BRWD3: variants seen among roughly 807,000 people sequenced by gnomAD.
The protein encoded by BRWD3 is bromodomain and WD repeat-containing protein 3.
Under a neutral mutation model 149.7 loss-of-function variants are expected in BRWD3, and 10 were observed. The observed-to-expected ratio is 0.07, with a 90% CI of 0.04 to 0.11. BRWD3 has a LOEUF of 0.11. Among genes scored for constraint, BRWD3 ranks in the 10% least tolerant of loss-of-function variants. The pLI, the probability that BRWD3 is intolerant of heterozygous loss-of-function variation, is 1.00. For missense variants in BRWD3, 940 were observed against 1,373.2 expected, an observed-to-expected ratio of 0.68 and a Z score of 4.99; for synonymous variants, 504 against 456.7, an observed-to-expected ratio of 1.10 and a Z score of -1.32.
At position 80,684,094 on chromosome X, in the gene BRWD3, G is replaced by A. The variant is rs1373886924; in HGVS notation, c.4149C>T (p.Asn1383=). Reference sequence around the variant, plus strand: ...TATAAAATTCCAGAGGACTACCATAGTTTCCTGCTTCCAAAGTTTCTTTCA... The same window carrying A: ...TATAAAATTCCAGAGGACTACCATAATTTCCTGCTTCCAAAGTTTCTTTCA... ...STVKETLEAG[N]YGSPLEFYKD... The change falls in exon 37 of 41, where the codon AAC becomes AAT. Residue 1383 remains asparagine (N), a synonymous_variant. Transcript: ENST00000373275. 1 of 1,204,030 alleles carries A rather than the reference G, an allele frequency of 8.3e-7. No individual in the cohort carries two copies. The highest frequency in any genetic ancestry group is 1.1e-6 in the Non-Finnish European group (1 of 890,191).
chrX:80,752,656 T>C (rs1200664399), intron 6 of BRWD3, among the ~76,000 whole-genome samples: 1 of 111,920 alleles, frequency 8.9e-6, no homozygotes, highest in Non-Finnish European at 1.9e-5. Flanking sequence ...TAATTAGTGA[T>C]GTTGAGCATT....
intron 6 of BRWD3, among the ~76,000 whole-genome samples, chrX:80,768,204 C>T (rs2073889503): frequency 1.8e-5 from 2 of 111,090 alleles, no homozygotes; most frequent in African/African-American, 6.6e-5. Flanking sequence ...GGCAGGAGAG[C>T]ATTCAAATTC....
intron 20 of BRWD3, among the ~76,000 whole-genome samples, chrX:80,713,191 A>C (rs1340627104): frequency 9.0e-6 from 1 of 110,935 alleles, no homozygotes; most frequent in African/African-American, 3.3e-5. Context: ...TGGGAGGTGT[A>C]CCCAACAGCT....
At chrX:80,788,326 G>T (rs1207564643) in intron 6 of BRWD3, among the ~76,000 whole-genome samples, 1 of 109,431 alleles carries the variant, frequency 9.1e-6, no homozygotes, top group Non-Finnish European at 1.9e-5. Flanking sequence ...GAAAATATTT[G>T]CAAAATACAA....
chrX:80,719,812 G>T (rs1351691929), intron 17 of BRWD3, among the ~76,000 whole-genome samples, 156 bp from the exon 18 acceptor site: 1 of 112,024 alleles, frequency 8.9e-6, no homozygotes, highest in Non-Finnish European at 1.9e-5. Flanking sequence ...AAATATTTTT[G>T]ATGTACTAGC....
chrX:80,771,413 A>C (rs1011346756), intron 6 of BRWD3, among the ~76,000 whole-genome samples: 7 of 111,606 alleles, frequency 6.3e-5, no homozygotes, highest in African/African-American at 2.0e-4. Context: ...ATATAGACCA[A>C]TGGAACAGAA....
chrX:80,711,820 C>A lies in BRWD3; in HGVS notation c.2326-2243G>T, dbSNP rs146822367. 7.0e-3 allele frequency among the ~76,000 whole-genome samples: 778 copies of A among 111,551 alleles called. 6 individuals carry two copies. The highest frequency in any genetic ancestry group is 0.024 in the African/African-American group (746 of 30,667). The stretch of plus-strand genomic sequence containing the variant: ...CGTCACACCCCCATGAGTTGTCCTG[C>A]CTTTCTGTACTAAACCAATGTACTG... On this transcript the variant is annotated intron_variant, in intron 20 of 40. Transcript: ENST00000373275.
At chrX:80,687,875 C>T (rs1018027334) in intron 34 of BRWD3, among the ~76,000 whole-genome samples, 194 bp downstream of exon 34, 1 of 110,376 alleles carries the variant, frequency 9.1e-6, no homozygotes, top group East Asian at 2.9e-4. Context: ...CAGACTCTGC[C>T]TGTGTCTTTT....
At chrX:80,791,646 A>C (rs780715989) in intron 6 of BRWD3, among the ~76,000 whole-genome samples, 1 of 112,309 alleles carries the variant, frequency 8.9e-6, no homozygotes, top group Non-Finnish European at 1.9e-5. Context: ...AAATGAAATA[A>C]AGAAAACAAA....
chrX:80,689,738 C>A, intron 33 of BRWD3, 30 bp downstream of exon 33: 1 of 1,122,947 alleles, frequency 8.9e-7, no homozygotes, highest in Non-Finnish European at 1.2e-6. Context: ...AAAAGTAACT[C>A]ATTCCTACTA....
intron 6 of BRWD3, among the ~76,000 whole-genome samples, chrX:80,784,099 G>A (rs980419038): frequency 2.7e-5 from 3 of 111,527 alleles, no homozygotes; most frequent in African/African-American, 9.8e-5. Context: ...ATAACACAAA[G>A]AAAGGCTAAA....
intron 6 of BRWD3, among the ~76,000 whole-genome samples, chrX:80,764,313 T>A (rs1046457120): frequency 2.8e-5 from 3 of 107,257 alleles, no homozygotes; most frequent in Admixed American, 9.8e-5. Context: ...AGGCAAAGAA[T>A]TTTTTTTTTA....
chrX:80,743,107 C>A (rs945046965), intron 8 of BRWD3, among the ~76,000 whole-genome samples: 3 of 111,394 alleles, frequency 2.7e-5, no homozygotes, highest in South Asian at 7.5e-4. Flanking sequence ...TAGCATGAAG[C>A]GTTGTTGAAT....
intron 8 of BRWD3, among the ~76,000 whole-genome samples, chrX:80,737,207 C>T (rs1156315632): frequency 4.5e-5 from 5 of 110,897 alleles, no homozygotes; most frequent in Admixed American, 3.9e-4. Flanking sequence ...CCAGGACCTC[C>T]CATGGATACT....
chrX:80,733,129 C>CA (rs199514397), intron 12 of BRWD3: 1,721 of 79,764 alleles, frequency 0.022, 4 homozygotes, highest in African/African-American at 0.034. Flanking sequence ...GACACCGTCT[C>CA]AAAAAAAAAA....
At position 80,770,234 on chromosome X, in the gene BRWD3, C is replaced by T. The variant is rs577335421; in HGVS notation, c.430+21620G>A. Among the ~76,000 whole-genome samples, 19 of 111,606 alleles carry T rather than the reference C, an allele frequency of 1.7e-4. No individual in the cohort carries two copies. In the South Asian group the frequency reaches 6.7e-3, roughly 40 times the overall value. On this transcript the variant is annotated intron_variant, in intron 6 of 40. Coordinates refer to ENST00000373275, the MANE Select transcript of BRWD3 (RefSeq NM_153252.5). ...CCAATCAATAGAAAAAGAGGGAAAC[C>T]TCCCCAACTCATTTTATGAGGCCAA...
intron 6 of BRWD3, among the ~76,000 whole-genome samples, chrX:80,747,903 T>C (rs1222993173): frequency 8.9e-6 from 1 of 112,303 alleles, no homozygotes; most frequent in Non-Finnish European, 1.9e-5. Flanking sequence ...CTTCTTTTAC[T>C]ATATGGATGC....
In BRWD3 at chrX:80,809,006, T is replaced by A; in HGVS notation, c.120+7A>T. 8.4e-7 allele frequency: 1 copy of A among 1,196,958 alleles called. No individual in the cohort carries two copies. Among genetic ancestry groups the A allele is most frequent in the Non-Finnish European group, 1.1e-6 (1 of 888,290 alleles). On this transcript the variant is annotated splice_region_variant and intron_variant, in intron 3 of 40. Coordinates refer to ENST00000373275, the MANE Select transcript of BRWD3 (RefSeq NM_153252.5). ...CCCTCCCCACCCTTCCCGAAGGGGC[T>A]CCGTACCTGATGCTCCTCGAGCTCC...
chrX:80,727,755 A>T (rs946968611), intron 14 of BRWD3, among the ~76,000 whole-genome samples: 1 of 111,000 alleles, frequency 9.0e-6, no homozygotes, highest in African/African-American at 3.3e-5. Context: ...CTTATCTTTC[A>T]AAACTTAACC....
Sources: allele counts gnomAD v4.1 joint callset (sites outside exome capture counted in the v4.1 genomes callset), GRCh38; gene constraint gnomAD v4.1.1; transcripts MANE v1.5; gene names NCBI Gene and HGNC (gene_info 2026-07-23, HGNC 2026-07-21).